The following NINL variants were observed in gnomAD, a reference collection of about 807,000 sequenced individuals.
The protein encoded by NINL is ninein-like protein.
A neutral mutation model predicts 160.3 loss-of-function variants in NINL; 153 were observed. The ratio of observed to expected loss-of-function variants is 0.95; its 90% CI spans 0.84 to 1.09. The LOEUF is 1.09. Among genes scored for constraint, NINL ranks in the 50% least tolerant of loss-of-function variants. The probability of loss-of-function intolerance (pLI) is 0.00; values close to 1 mark genes in which losing one functional copy is unlikely to be tolerated. For synonymous variants in NINL, 800 were observed against 734.8 expected (o/e 1.09, Z -1.43); for missense variants, 1,829 against 1,764.0 (o/e 1.04, Z -0.66).
chr20:25,477,398 G>A (rs1158220771), intron 16 of NINL, among the ~76,000 whole-genome samples: 4 of 152,218 alleles, frequency 2.6e-5, no homozygotes, highest in Admixed American at 6.5e-5. Context: ...CCTCGGCCGT[G>A]CAGGCCACGT....
At chr20:25,538,178 G>A (rs1181737201) in intron 1 of NINL, among the ~76,000 whole-genome samples, 1 of 152,202 alleles carries the variant, frequency 6.6e-6, no homozygotes, top group African/African-American at 2.4e-5. Flanking sequence ...CGTGGCCTGT[G>A]CACCTCAGGC....
At chr20:25,512,323 T>C (rs1049359385) in intron 4 of NINL, among the ~76,000 whole-genome samples, 2 of 152,330 alleles carry the variant, frequency 1.3e-5, no homozygotes, top group East Asian at 3.9e-4. Flanking sequence ...CCTTTTCTAC[T>C]CTTAGCACAT....
rs2090589782 is a variant in NINL, at chr20:25,453,643, C to T, written c.3958-1G>A. On this transcript the variant is annotated splice_acceptor_variant, in intron 23 of 23. Transcript: ENST00000278886. LOFTEE classifies it high-confidence loss of function. ...GGTCGGACTTCGTGTTCTTTTCAAA[C>T]TAGAGAGGGGAGGAAGCCATGCTTT... The T allele has an allele frequency of 1.3e-6, 2 of 1,599,858 alleles. No individual in the cohort carries two copies. Among genetic ancestry groups the T allele is most frequent in the Non-Finnish European group, 1.7e-6 (2 of 1,172,706 alleles).
At chr20:25,481,368 G>A (rs996039972) in intron 14 of NINL, among the ~76,000 whole-genome samples, 8 of 152,182 alleles carry the variant, frequency 5.3e-5, no homozygotes, top group Non-Finnish European at 5.9e-5. Flanking sequence ...CCTCAAGGGC[G>A]GCTGCAGCAC....
rs1445814345 is a variant in NINL at position 25,472,363 on chromosome 20, A to ATATATG, written c.3249-2269_3249-2268insCATATA. Among the ~76,000 whole-genome samples, 9 of 81,470 alleles carry ATATATG rather than the reference A, an allele frequency of 1.1e-4. 1 individual carries two copies. Among genetic ancestry groups the ATATATG allele is most frequent in the Admixed American group, 2.3e-4 (2 of 8,710 alleles). The allele number at this position is 81,470 out of a possible 152,430, so 53.4% of individuals were successfully genotyped here. A position where few individuals can be genotyped will look rare whatever the true frequency, so the allele number is the denominator to read the frequency against. The stretch of plus-strand genomic sequence containing the variant: ...TATATATATATATATATATATATAT[A>ATATATG]TATACTTTTTTTTTGTTTTTGAGAC... On this transcript the variant is annotated intron_variant, in intron 17 of 23. Coordinates refer to ENST00000278886, the MANE Select transcript of NINL (RefSeq NM_025176.6).
chr20:25,545,408 GT>G (rs1179276089), intron 1 of NINL, among the ~76,000 whole-genome samples: 4 of 152,130 alleles, frequency 2.6e-5, no homozygotes, highest in Admixed American at 2.6e-4. Context: ...TAGACCTAAA[GT>G]CTCCCCTTTT....
chr20:25,562,802 T>C (rs2064959686), intron 1 of NINL, among the ~76,000 whole-genome samples: 1 of 150,486 alleles, frequency 6.6e-6, no homozygotes, highest in African/African-American at 2.4e-5. Flanking sequence ...AAAAACAAAG[T>C]TCTTCAGACA....
At chr20:25,471,007 T>A (rs2063081252) in intron 17 of NINL, among the ~76,000 whole-genome samples, 1 of 152,214 alleles carries the variant, frequency 6.6e-6, no homozygotes, top group Non-Finnish European at 1.5e-5. Flanking sequence ...TCTCACCATG[T>A]TCACTTCATG....
chr20:25,463,719 AGAGT>A lies in NINL; in HGVS notation c.3424-1182_3424-1179del, dbSNP rs2062845509. ...TCGACCACGCACACGTCACCTTCCCAGAGTGACGCCCACAACCACTGCCTTTGCT... is the reference window on the plus strand; with the variant it reads ...TCGACCACGCACACGTCACCTTCCCAGACGCCCACAACCACTGCCTTTGCT... On this transcript the variant is annotated intron_variant, in intron 19 of 23. Coordinates refer to ENST00000278886, the MANE Select transcript of NINL (RefSeq NM_025176.6). Among the ~76,000 whole-genome samples the A allele has an allele frequency of 1.3e-5, 2 of 152,198 alleles. 1 individual carries two copies. Among genetic ancestry groups the A allele is most frequent in the Admixed American group, 1.3e-4 (2 of 15,278 alleles).
intron 1 of NINL, among the ~76,000 whole-genome samples, chr20:25,578,972 C>T (rs2065145754): frequency 6.6e-6 from 1 of 152,022 alleles, no homozygotes; most frequent in Non-Finnish European, 1.5e-5. Flanking sequence ...GAAACCCTGT[C>T]TCTAAAACAT....
intron 1 of NINL, among the ~76,000 whole-genome samples, chr20:25,545,322 C>G (rs182271425): frequency 6.6e-6 from 1 of 152,312 alleles, no homozygotes; most frequent in African/African-American, 2.4e-5. Flanking sequence ...GGGAGTTTGT[C>G]TTTCCTCTGC....
chr20:25,547,735 T>C (rs2064753045), intron 1 of NINL, among the ~76,000 whole-genome samples: 1 of 152,174 alleles, frequency 6.6e-6, no homozygotes, highest in African/African-American at 2.4e-5. Context: ...TACAATCACA[T>C]TCTGAGGTAC....
chr20:25,466,084 C>A (rs1047386600), intron 19 of NINL, among the ~76,000 whole-genome samples: 1 of 152,090 alleles, frequency 6.6e-6, no homozygotes, highest in Admixed American at 6.6e-5. Context: ...TGCAGTGGTA[C>A]GATCTCTACT....
chr20:25,575,239 G>C (rs572961310), intron 1 of NINL, among the ~76,000 whole-genome samples: 1 of 151,886 alleles, frequency 6.6e-6, no homozygotes, highest in African/African-American at 2.4e-5. Context: ...ATGAGGTCAG[G>C]AGATCGAGAC....
At chr20:25,541,434 G>A (rs1392208701) in intron 1 of NINL, among the ~76,000 whole-genome samples, 1 of 152,180 alleles carries the variant, frequency 6.6e-6, no homozygotes, top group Non-Finnish European at 1.5e-5. Context: ...AGCTGGGTGG[G>A]CATTTATAGC....
At chr20:25,462,758 G>A (rs1454663398) in intron 19 of NINL, 7 of 426,782 alleles carry the variant, frequency 1.6e-5, no homozygotes, top group South Asian at 2.7e-5. Flanking sequence ...AGGCTCAGGC[G>A]ATCCTCCCAC....
At chr20:25,522,973 G>T (rs553970111) in intron 2 of NINL, among the ~76,000 whole-genome samples, 4 of 152,268 alleles carry the variant, frequency 2.6e-5, no homozygotes, top group Admixed American at 6.5e-5. Context: ...CTGGGGGATT[G>T]GTTCCGGGAC....
chr20:25,523,655 T>C (rs1197702513), intron 2 of NINL, among the ~76,000 whole-genome samples: 1 of 151,672 alleles, frequency 6.6e-6, no homozygotes, highest in Non-Finnish European at 1.5e-5. Flanking sequence ...GTTTGCTTGT[T>C]TTTTTGAGAT....
At chr20:25,577,403 C>T (rs570720273) in intron 1 of NINL, among the ~76,000 whole-genome samples, 8 of 152,310 alleles carry the variant, frequency 5.3e-5, no homozygotes, top group East Asian at 1.9e-4. Context: ...CCCAAGGCCA[C>T]GTGGCCGGAC....
Sources: gnomAD v4.1 joint callset for allele counts (sites outside exome capture counted in the v4.1 genomes callset) on GRCh38, gnomAD v4.1.1 for gene constraint, MANE v1.5 for transcripts, NCBI Gene and HGNC (gene_info 2026-07-23, HGNC 2026-07-21) for gene names.